Variants in SGIP1 observed in about 807,000 individuals in gnomAD.
The protein encoded by SGIP1 is SH3-containing GRB2-like protein 3-interacting protein 1.
Under a neutral mutation model 107.5 loss-of-function variants are expected in SGIP1, and 38 were observed. That is an observed-to-expected ratio of 0.35 (90% CI 0.27 to 0.46). The LOEUF (loss-of-function observed/expected upper bound fraction) is 0.46, where lower values mean the gene tolerates loss of function less well. SGIP1 is among the 20% of genes least tolerant of loss of function. SGIP1 has a pLI of 1.00. For missense variants in SGIP1, 929 were observed against 1,019.5 expected (o/e 0.91, Z 1.21); for synonymous variants, 365 against 366.1 (o/e 1.00, Z 0.03).
At chr1:66,544,018 G>A (rs2055696046) in intron 1 of SGIP1, among the ~76,000 whole-genome samples, 3 of 152,180 alleles carry the variant, frequency 2.0e-5, no homozygotes, top group South Asian at 4.2e-4. Flanking sequence ...TGTTCTATTG[G>A]GTGTTACTTG....
At chr1:66,576,213 G>A (rs1242841402) in intron 1 of SGIP1, among the ~76,000 whole-genome samples, 1 of 152,170 alleles carries the variant, frequency 6.6e-6, no homozygotes, top group Non-Finnish European at 1.5e-5. Flanking sequence ...TTCTTGAAAA[G>A]AAGGTGTTAA....
rs1354541460 is a variant in SGIP1, at chr1:66,745,928, T to C, written c.*2833T>C. 2 of 152,154 alleles carry C rather than the reference T, an allele frequency of 1.3e-5. No individual in the cohort carries two copies. Among genetic ancestry groups the C allele is most frequent in the African/African-American group, 4.8e-5 (2 of 41,454 alleles). 9.4% of individuals were successfully genotyped at this position (152,154 alleles called of 1,614,324 possible). ...TAAGAATTAAATTTTTAATCATTTT[T>C]AAAGCTGTGTTCTTCTCTACACCCA... On this transcript the variant is annotated 3_prime_UTR_variant, in exon 25 of 25. Coordinates refer to ENST00000371037, the MANE Select transcript of SGIP1 (RefSeq NM_032291.4).
intron 1 of SGIP1, among the ~76,000 whole-genome samples, chr1:66,570,939 C>A (rs1441199063): frequency 6.6e-6 from 1 of 151,912 alleles, no homozygotes; most frequent in Non-Finnish European, 1.5e-5. Flanking sequence ...AGTAGCTTGA[C>A]CATAGTCCAC....
intron 20 of SGIP1, among the ~76,000 whole-genome samples, chr1:66,731,167 TC>T (rs2093991708): frequency 6.6e-6 from 1 of 152,100 alleles, no homozygotes; most frequent in Admixed American, 6.6e-5. Flanking sequence ...TTCATCCATC[TC>T]CCCCACAAGA....
chr1:66,584,853 A>G (rs746090640), intron 1 of SGIP1, among the ~76,000 whole-genome samples: 4 of 152,176 alleles, frequency 2.6e-5, no homozygotes, highest in Non-Finnish European at 4.4e-5. Context: ...CCTGGTGCTT[A>G]GTGTTTTCCT....
chr1:66,682,898 A>T (rs2087118250), intron 15 of SGIP1, among the ~76,000 whole-genome samples: 1 of 151,834 alleles, frequency 6.6e-6, no homozygotes, highest in Admixed American at 6.6e-5. Flanking sequence ...TTAAAAAGAC[A>T]TAAGGTTTGA....
At chr1:66,630,556 C>T (rs1180221661) in intron 2 of SGIP1, among the ~76,000 whole-genome samples, 1 of 151,806 alleles carries the variant, frequency 6.6e-6, no homozygotes, top group East Asian at 1.9e-4. Flanking sequence ...CCTGTAATTC[C>T]AGCACTTTGG....
At chr1:66,576,518 G>T (rs181871307) in intron 1 of SGIP1, among the ~76,000 whole-genome samples, 1 of 152,094 alleles carries the variant, frequency 6.6e-6, no homozygotes, top group African/African-American at 2.4e-5. Flanking sequence ...ATTTATAGAG[G>T]TAATAAAACC....
At chr1:66,563,061 C>T (rs1260902358) in intron 1 of SGIP1, among the ~76,000 whole-genome samples, 1 of 151,634 alleles carries the variant, frequency 6.6e-6, no homozygotes, top group African/African-American at 2.4e-5. Context: ...AAGAGCATTG[C>T]CCTGAATTAT....
intron 18 of SGIP1, among the ~76,000 whole-genome samples, chr1:66,717,561 C>T (rs989748182): frequency 6.6e-6 from 1 of 152,072 alleles, no homozygotes; most frequent in Admixed American, 6.6e-5. Context: ...AAGACTTAGC[C>T]ATGCACACTC....
rs572012895 is a variant in SGIP1, at chr1:66,680,526, G to A, written c.814+774G>A. 7.2e-5 allele frequency among the ~76,000 whole-genome samples: 11 copies of A among 152,260 alleles called. No homozygotes were observed. The East Asian group carries it at 1.7e-3, about 24-fold the overall frequency. On this transcript the variant is annotated intron_variant, in intron 14 of 24. Coordinates refer to ENST00000371037, the MANE Select transcript of SGIP1 (RefSeq NM_032291.4). ...CTGGTGAGTTTGATAGCTGCAGAGTGGGGCATTCATCAACAAAAGCAAAAG... is the reference window on the plus strand; with the variant it reads ...CTGGTGAGTTTGATAGCTGCAGAGTAGGGCATTCATCAACAAAAGCAAAAG...
Position 66,671,000 on chromosome 1 carries a change from A to G in SGIP1, c.489A>G (p.Ala163=). 1 of 1,386,466 alleles carries G rather than the reference A, an allele frequency of 7.2e-7. No individual in the cohort carries two copies. The highest frequency in any genetic ancestry group is 1.0e-6 in the Non-Finnish European group (1 of 1,000,950). The allele number at this position is 1,386,466 out of a possible 1,614,324, so 85.9% of individuals were successfully genotyped here. A position where few individuals can be genotyped will look rare whatever the true frequency, so the allele number is the denominator to read the frequency against. ...GTGTCTATTTCTAATTCTAGGGTGC[A>G]ATTAAAAGGAACTTATCCAGTAAGT... ...VRKSPRRSPG[A]IKRNLSSEEV... Residue 163 remains alanine, a synonymous_variant, in exon 10 of 25, where the codon GCA becomes GCG. Transcript: ENST00000371037.
intron 18 of SGIP1, among the ~76,000 whole-genome samples, chr1:66,714,934 G>A (rs1271514878): frequency 6.6e-6 from 1 of 152,044 alleles, no homozygotes; most frequent in African/African-American, 2.4e-5. Flanking sequence ...TTCCAATAAT[G>A]CTACTAAACA....
chr1:66,687,102 C>G (rs879788061), intron 15 of SGIP1, among the ~76,000 whole-genome samples: 2 of 152,160 alleles, frequency 1.3e-5, no homozygotes, highest in African/African-American at 4.8e-5. Flanking sequence ...TTAGTACTTT[C>G]CCAGGCATCA....
At chr1:66,538,714 A>G (rs559416476) in intron 1 of SGIP1, among the ~76,000 whole-genome samples, 1 of 152,336 alleles carries the variant, frequency 6.6e-6, no homozygotes, top group African/African-American at 2.4e-5. Flanking sequence ...ACACAAGTCC[A>G]TCAAAGGCTA....
At chr1:66,559,816 G>T (rs544138258) in intron 1 of SGIP1, among the ~76,000 whole-genome samples, 20 of 152,150 alleles carry the variant, frequency 1.3e-4, no homozygotes, top group Admixed American at 9.8e-4. Context: ...TAGCCGGGGG[G>T]GTGGATGACT....
intron 1 of SGIP1, among the ~76,000 whole-genome samples, chr1:66,568,915 A>AC (rs932118987): frequency 1.3e-5 from 2 of 151,954 alleles, no homozygotes; most frequent in Admixed American, 1.3e-4. Context: ...ACTAGCTGCT[A>AC]CCCCATATAG....
chr1:66,673,399 G>C (rs373243111), intron 12 of SGIP1, 33 bp downstream of exon 12: 2 of 1,539,126 alleles, frequency 1.3e-6, no homozygotes, highest in African/African-American at 1.4e-5. Flanking sequence ...TTATAGATTT[G>C]TTTTTTCTTT....
intron 7 of SGIP1, among the ~76,000 whole-genome samples, chr1:66,653,390 A>G (rs180815859): frequency 6.6e-6 from 1 of 152,088 alleles, no homozygotes; most frequent in Non-Finnish European, 1.5e-5. Context: ...TTACTCTGGT[A>G]AAAAGAAATC....
Sources: gnomAD v4.1 joint callset for allele counts (sites outside exome capture counted in the v4.1 genomes callset) on GRCh38, gnomAD v4.1.1 for gene constraint, MANE v1.5 for transcripts, NCBI Gene and HGNC (gene_info 2026-07-23, HGNC 2026-07-21) for gene names.